The following ADGRL3 variants were observed in gnomAD, a reference collection of about 807,000 sequenced individuals.
ADGRL3 encodes the protein calcium-independent alpha-latrotoxin receptor 3.
In ADGRL3, 62 loss-of-function variants were observed where a neutral mutation model predicts 153.5. The observed-to-expected ratio is 0.40, with a 90% confidence interval of 0.33 to 0.50. The LOEUF is 0.50. ADGRL3 is among the 20% of genes least tolerant of loss of function. ADGRL3 has a pLI of 0.47. For synonymous variants in ADGRL3, 710 were observed against 672.5 expected (o/e 1.06, Z -0.86); for missense variants, 1,641 against 1,859.4 (o/e 0.88, Z 2.16).
At position 61,357,937 on chromosome 4, in the gene ADGRL3, C is replaced by G. The variant is rs1215325163; in HGVS notation, c.-239-25187C>G. ...ATATAGTCAGTGGTCAAGGTACAGG[C>G]CTTAGAATTAGAATGATTAATTATG... On this transcript the variant is annotated intron_variant, in intron 1 of 26. Transcript: ENST00000683033. Among the ~76,000 whole-genome samples, 5 of 152,050 alleles carry G rather than the reference C, an allele frequency of 3.3e-5. No individual in the cohort carries two copies. The East Asian group carries it at 9.6e-4, about 29-fold the overall frequency.
At chr4:61,824,548 T>C (rs2097784211) in intron 9 of ADGRL3, among the ~76,000 whole-genome samples, 2 of 152,308 alleles carry the variant, frequency 1.3e-5, no homozygotes, top group Non-Finnish European at 1.5e-5. Flanking sequence ...TAGTAAAAAT[T>C]AATTGTCTTA....
intron 5 of ADGRL3, among the ~76,000 whole-genome samples, chr4:61,593,471 G>T (rs1216483041): frequency 6.6e-6 from 1 of 151,812 alleles, no homozygotes; most frequent in Non-Finnish European, 1.5e-5. Flanking sequence ...AGCATTACCT[G>T]TCTGGTTTTG....
chr4:61,223,503 G>A (rs566756925), intron 1 of ADGRL3, among the ~76,000 whole-genome samples: 86 of 152,344 alleles, frequency 5.6e-4, no homozygotes, highest in African/African-American at 2.0e-3. Flanking sequence ...GGTTTTGAAA[G>A]TAGGTGTAGA....
At chr4:61,768,298 C>A (rs189423831) in intron 8 of ADGRL3, among the ~76,000 whole-genome samples, 1 of 151,828 alleles carries the variant, frequency 6.6e-6, no homozygotes, top group Non-Finnish European at 1.5e-5. Flanking sequence ...GGTGGAGGAG[C>A]GGAGGCTGAG....
At chr4:61,562,955 A>G (rs2098801540) in intron 4 of ADGRL3, among the ~76,000 whole-genome samples, 1 of 152,064 alleles carries the variant, frequency 6.6e-6, no homozygotes, top group Non-Finnish European at 1.5e-5. Context: ...AAAAAAAAAA[A>G]AAAAAAAAAG....
chr4:61,636,159 T>C (rs919402171), intron 5 of ADGRL3, among the ~76,000 whole-genome samples: 1 of 152,146 alleles, frequency 6.6e-6, no homozygotes, highest in Non-Finnish European at 1.5e-5. Context: ...ACAAATGATA[T>C]ACTTTTTGCT....
At chr4:61,995,884 A>C (rs900560002) in intron 19 of ADGRL3, among the ~76,000 whole-genome samples, 3 of 152,150 alleles carry the variant, frequency 2.0e-5, no homozygotes, top group Admixed American at 6.6e-5. Context: ...GATCTTCTTG[A>C]CAGGAAAATG....
At chr4:61,400,089 C>A (rs1262687018) in intron 2 of ADGRL3, among the ~76,000 whole-genome samples, 1 of 151,676 alleles carries the variant, frequency 6.6e-6, no homozygotes, top group Admixed American at 6.6e-5. Context: ...TTAGCTTCTA[C>A]TGGAGTGCTG....
chr4:61,369,489 A>G (rs1041410376), intron 1 of ADGRL3, among the ~76,000 whole-genome samples: 18 of 152,032 alleles, frequency 1.2e-4, no homozygotes, highest in Admixed American at 7.2e-4. Context: ...TGAGATAATC[A>G]TGTGGTTTTT....
At chr4:61,384,611 C>G (rs999197912) in intron 2 of ADGRL3, among the ~76,000 whole-genome samples, 1 of 151,524 alleles carries the variant, frequency 6.6e-6, no homozygotes, top group East Asian at 1.9e-4. Flanking sequence ...TAAAATTAAC[C>G]CTTCTAGATA....
chr4:61,473,235 GTGTGTGT>G (rs2097990796), intron 2 of ADGRL3, among the ~76,000 whole-genome samples: 3 of 79,242 alleles, frequency 3.8e-5, no homozygotes, highest in Admixed American at 2.9e-4. Flanking sequence ...GTGTGTGTGT[GTGTGTGT>G]GGTCTTTTTT....
chr4:62,038,001 CAG>C, intron 24 of ADGRL3, 145 bp downstream of exon 24: 1 of 865,244 alleles, frequency 1.2e-6, no homozygotes, highest in East Asian at 2.6e-5. Flanking sequence ...ATGATTCTGA[CAG>C]AAATGGAAGA....
intron 8 of ADGRL3, among the ~76,000 whole-genome samples, chr4:61,764,463 C>T (rs1383900672): frequency 7.9e-6 from 1 of 126,438 alleles, no homozygotes; most frequent in Non-Finnish European, 1.6e-5. Flanking sequence ...GCAAGGTGCT[C>T]AGTGGGGATG....
chr4:61,859,368 A>G (rs942750208), intron 9 of ADGRL3, among the ~76,000 whole-genome samples: 4 of 152,206 alleles, frequency 2.6e-5, no homozygotes, highest in Non-Finnish European at 4.4e-5. Flanking sequence ...GTAATAATAA[A>G]AATATCTGTA....
intron 9 of ADGRL3, among the ~76,000 whole-genome samples, chr4:61,857,084 T>TTTC (rs2098283094): frequency 6.6e-6 from 1 of 150,656 alleles, no homozygotes; most frequent in Non-Finnish European, 1.5e-5. Flanking sequence ...TTCTTTCTTT[T>TTTC]TTTCTTTCTT....
chr4:61,808,725 G>A (rs752201990), intron 8 of ADGRL3, among the ~76,000 whole-genome samples: 1 of 147,162 alleles, frequency 6.8e-6, no homozygotes, highest in Non-Finnish European at 1.5e-5. Flanking sequence ...TTGACCTATG[G>A]GTTTTTGTGT....
chr4:61,351,234 T>A (rs770766060), intron 1 of ADGRL3, among the ~76,000 whole-genome samples: 1 of 152,222 alleles, frequency 6.6e-6, no homozygotes, highest in Non-Finnish European at 1.5e-5. Flanking sequence ...TCTCTTCAGT[T>A]CTGTGAAGGC....
chr4:61,756,777 A>C (rs2096837336), intron 8 of ADGRL3, among the ~76,000 whole-genome samples: 2 of 152,098 alleles, frequency 1.3e-5, no homozygotes, highest in South Asian at 4.1e-4. Flanking sequence ...AGCTCTTACT[A>C]TTTTGAGATA....
intron 23 of ADGRL3, among the ~76,000 whole-genome samples, chr4:62,032,099 A>T (rs1341545323): frequency 6.6e-6 from 1 of 151,486 alleles, no homozygotes; most frequent in African/African-American, 2.4e-5. Context: ...TACACAGCTT[A>T]TGGTAAAATA....
Sources: allele counts gnomAD v4.1 joint callset (sites outside exome capture counted in the v4.1 genomes callset), GRCh38; gene constraint gnomAD v4.1.1; transcripts MANE v1.5; gene names NCBI Gene and HGNC (gene_info 2026-07-23, HGNC 2026-07-21).